Variants in HMGXB3 observed in about 807,000 individuals in gnomAD.
HMGXB3 encodes the protein HMG-box containing 3, also known as HMG domain-containing protein 3.
Under a neutral mutation model 121.5 loss-of-function variants are expected in HMGXB3, and 45 were observed. The observed-to-expected ratio is 0.37, with a 90% CI of 0.29 to 0.47. The LOEUF (loss-of-function observed/expected upper bound fraction) is 0.47, where lower values mean the gene tolerates loss of function less well. Among genes scored for constraint, HMGXB3 ranks in the 20% least tolerant of loss-of-function variants. HMGXB3 has a pLI of 0.99. For synonymous variants in HMGXB3, 590 were observed against 624.1 expected, an observed-to-expected ratio of 0.95 and a Z score of 0.81; for missense variants, 1,376 against 1,602.2, an observed-to-expected ratio of 0.86 and a Z score of 2.41.
chr5:150,018,573 C>T lies in HMGXB3; in HGVS notation c.917C>T (p.Thr306Ile). The change falls in exon 6 of 20, where the codon ACA becomes ATA. Residue 306 changes from threonine (T) to isoleucine (I), a missense_variant. Thr to Ile is a moderately conservative substitution (Grantham distance 89). This residue lies in a region of HMGXB3 where 1,116 missense variants were observed against 1,369.0 expected (regional missense o/e 0.82). Transcript: ENST00000502717. ...TGTGCTCTTTATTTACAGACCACTA[C>T]ATATACCCGCCGGGGCCATGGGACA... ...ENPTSIKLTTTYTRRGHGTCT... is the reference protein window; with the variant it reads ...ENPTSIKLTTIYTRRGHGTCT... 3 of 1,548,292 alleles carry T rather than the reference C, an allele frequency of 1.9e-6. No homozygotes were observed. Among genetic ancestry groups the T allele is most frequent in the Non-Finnish European group, 2.6e-6 (3 of 1,145,510 alleles).
Position 150,024,368 on chromosome 5 carries a change from A to T in HMGXB3, c.1148A>T (p.Lys383Met). Reference protein sequence around the residue: ...QPVTTEQNSSKENASKLTLEN... With the variant: ...QPVTTEQNSSMENASKLTLEN... ...GTCACCACTGAGCAAAATTCCTCTA[A>T]GGAAAATGCCTCCAAACTGACTCTG... The change falls in exon 7 of 20, where the codon AAG (lysine) becomes ATG (methionine). Residue 383 changes from lysine to methionine, a missense_variant. By Grantham distance (95) the Lys-to-Met change is moderately conservative. Transcript: ENST00000502717. 6.4e-7 allele frequency: 1 copy of T among 1,551,754 alleles called. No homozygotes were observed. The highest frequency in any genetic ancestry group is 8.7e-7 in the Non-Finnish European group (1 of 1,147,016).
At position 150,021,991 on chromosome 5, in the gene HMGXB3, CG is replaced by C. The variant is rs1451149016; in HGVS notation, c.1042-2268del. 8 of 384,696 alleles carry C rather than the reference CG, an allele frequency of 2.1e-5. No homozygotes were observed. The East Asian group carries it at 5.5e-4, about 26-fold the overall frequency. 23.8% of individuals were successfully genotyped at this position (384,696 alleles called of 1,614,324 possible). On this transcript the variant is annotated intron_variant, in intron 6 of 19. Coordinates refer to ENST00000502717, the MANE Select transcript of HMGXB3 (RefSeq NM_014983.3). The stretch of plus-strand genomic sequence containing the variant: ...AACAGCGGTGAGTCAGGAGCAGGAG[CG>C]GGCAGGAGCGGGCGGACCGCAGCTC...
chr5:150,051,865 C>G lies in HMGXB3; in HGVS notation c.3552C>G (p.Pro1184=), dbSNP rs777294118. 11 of 1,551,172 alleles carry G rather than the reference C, an allele frequency of 7.1e-6. No individual in the cohort carries two copies. The highest frequency in any genetic ancestry group is 8.7e-6 in the Non-Finnish European group (10 of 1,147,086). The stretch of plus-strand genomic sequence containing the variant: ...GCCTACAGCCCAATCCTGGTGACCC[C>G]AGTGCTGGGCACCACTCCTTGGCCC... ...HAGLQPNPGD[P]SAGHHSLALC... is the part of the protein sequence containing the mutation. The change falls in exon 20 of 20, where the codon CCC becomes CCG. Residue 1184 remains proline (P), a synonymous_variant. Coordinates refer to ENST00000502717, the MANE Select transcript of HMGXB3 (RefSeq NM_014983.3).
chr5:150,040,763 G>A lies in HMGXB3; in HGVS notation c.2429G>A (p.Gly810Glu), dbSNP rs1239356677. 6.4e-7 allele frequency: 1 copy of A among 1,551,720 alleles called. No homozygotes were observed. The highest frequency in any genetic ancestry group is 1.4e-5 in the African/African-American group (1 of 72,992). The change falls in exon 14 of 20, where the codon GGG (glycine) becomes GAG (glutamate). Residue 810 changes from glycine (G) to glutamate (E), a missense_variant. By Grantham distance (98) the Gly-to-Glu change is moderately conservative. Transcript: ENST00000502717. ...IDIYTGLFNV[G>E]NKLLVSLDLL... ...TAACCTGCAGGTCTCTTTAATGTGG[G>A]GAACAAGCTGCTGGTAAGCCTGGAC... is the stretch of plus-strand genomic sequence containing the variant.
chr5:150,002,985 A>G (rs1421701464), intron 1 of HMGXB3, among the ~76,000 whole-genome samples: 1 of 152,030 alleles, frequency 6.6e-6, no homozygotes, highest in Non-Finnish European at 1.5e-5. Flanking sequence ...TCTACAAACA[A>G]TTTAAAAATT....
Position 150,036,656 on chromosome 5 carries a change from A to C in HMGXB3, c.2004A>C (p.Pro668=). Residue 668 remains proline (P), a synonymous_variant, in exon 12 of 20, where the codon CCA becomes CCC. Transcript: ENST00000502717. ...CCCAGGAGGTGAGCTCACCACTCCC[A>C]GATGTACTGAATGCCACAGAGCCCC... ...TKAIEVSSPL[P]DVLNATEPLS... 3.2e-6 allele frequency: 5 copies of C among 1,548,516 alleles called. No homozygotes were observed. Among genetic ancestry groups the C allele is most frequent in the Non-Finnish European group, 4.4e-6 (5 of 1,145,770 alleles).
rs1444158657 is a variant in HMGXB3 at position 150,012,274 on chromosome 5, C to T, written c.830C>T (p.Ser277Phe). The T allele has an allele frequency of 1.3e-6, 2 of 1,552,176 alleles. No individual in the cohort carries two copies. The highest frequency in any genetic ancestry group is 2.4e-5 in the South Asian group (2 of 84,058). Residue 277 changes from serine to phenylalanine, a missense_variant, in exon 5 of 20, where the codon TCC (serine) becomes TTC (phenylalanine). Ser to Phe is a radical substitution (Grantham distance 155, BLOSUM62 -2). Coordinates refer to ENST00000502717, the MANE Select transcript of HMGXB3 (RefSeq NM_014983.3). ...TVMRDSSESS[S>F]SAPATQFIML... ...CCATAGGATTCCAGTGAGAGTAGCT[C>T]CTCTGCACCAGCCACACAGTTCATC...
intron 4 of HMGXB3, 127 bp downstream of exon 4, chr5:150,010,735 A>C (rs1755811676): frequency 8.7e-6 from 8 of 919,966 alleles, no homozygotes; most frequent in African/African-American, 1.7e-5. Flanking sequence ...CTGATACTGC[A>C]GTTCTCTTGA....
Position 150,018,704 on chromosome 5 carries a change from T to A in HMGXB3, c.1041+7T>A. The A allele has an allele frequency of 6.5e-7, 1 of 1,547,474 alleles. No homozygotes were observed. Among genetic ancestry groups the A allele is most frequent in the Non-Finnish European group, 8.7e-7 (1 of 1,144,998 alleles). On this transcript the variant is annotated splice_region_variant and intron_variant, in intron 6 of 19. Transcript: ENST00000502717. The stretch of plus-strand genomic sequence containing the variant: ...AGGGAAGTGGATCCCAAAGGTAAGG[T>A]CCATTGGCTGTTGCTGCTTTGGAAG...
At chr5:150,036,240 A>G (rs950219155) in intron 11 of HMGXB3, among the ~76,000 whole-genome samples, 2 of 152,248 alleles carry the variant, frequency 1.3e-5, no homozygotes, top group African/African-American at 4.8e-5. Context: ...ACTATCCTGT[A>G]TCTGAAGTGC....
At position 150,010,096 on chromosome 5, in the gene HMGXB3, C is replaced by T; in HGVS notation, c.313-15C>T. On this transcript the variant is annotated splice_polypyrimidine_tract_variant and intron_variant, in intron 3 of 19. Transcript: ENST00000502717. The stretch of plus-strand genomic sequence containing the variant: ...TCTCTGCTTGTCTCCCCCTTCCTGG[C>T]TTCCTCATCCTCAGAACTCTAAGCT... 1 of 1,543,988 alleles carries T rather than the reference C, an allele frequency of 6.5e-7. No individual in the cohort carries two copies.
At position 150,036,678 on chromosome 5, in the gene HMGXB3, C is replaced by T. The variant is rs1440576610; in HGVS notation, c.2026C>T (p.Pro676Ser). The T allele has an allele frequency of 1.3e-6, 2 of 1,550,558 alleles. No homozygotes were observed. Among genetic ancestry groups the T allele is most frequent in the South Asian group, 2.4e-5 (2 of 83,996 alleles). Residue 676 changes from proline (P) to serine (S), a missense_variant, in exon 12 of 20, where the codon CCC (proline) becomes TCC (serine). Transcript: ENST00000502717. ...CCCAGATGTACTGAATGCCACAGAG[C>T]CCCTGAGCACAGCCCAGAGGGAGAT... ...PLPDVLNATEPLSTAQREIQR... is the reference protein window; with the variant it reads ...PLPDVLNATESLSTAQREIQR...
rs139471082 is a variant in HMGXB3, at chr5:150,019,393, C to A, written c.1041+696C>A. On this transcript the variant is annotated intron_variant, in intron 6 of 19. Transcript: ENST00000502717. The stretch of plus-strand genomic sequence containing the variant: ...AGTTCCTTAATGACCTTGGTATCTC[C>A]CACAGCCTTTGCCCATAGAAGACAC... 1.0e-3 allele frequency among the ~76,000 whole-genome samples: 154 copies of A among 152,210 alleles called. 1 individual carries two copies. The highest frequency in any genetic ancestry group is 3.5e-3 in the African/African-American group (145 of 41,526).
chr5:150,029,329 A>T (rs1204815549), intron 9 of HMGXB3, among the ~76,000 whole-genome samples: 4 of 130,374 alleles, frequency 3.1e-5, no homozygotes, highest in Non-Finnish European at 6.1e-5. Flanking sequence ...ATAGTTATCA[A>T]GTTTTTTTTT....
chr5:150,036,176 T>G (rs1318374624), intron 11 of HMGXB3, among the ~76,000 whole-genome samples: 1 of 152,224 alleles, frequency 6.6e-6, no homozygotes, highest in Non-Finnish European at 1.5e-5. Context: ...GAGCTAAGTG[T>G]TGAATCCATT....
intron 15 of HMGXB3, among the ~76,000 whole-genome samples, chr5:150,044,461 C>A (rs1267288127): frequency 2.0e-5 from 3 of 152,064 alleles, no homozygotes; most frequent in Non-Finnish European, 4.4e-5. Context: ...AGGAGAGGAG[C>A]CTTTATGGGG....
chr5:150,003,141 T>C (rs1755618920), intron 1 of HMGXB3, among the ~76,000 whole-genome samples: 1 of 152,212 alleles, frequency 6.6e-6, no homozygotes, highest in Non-Finnish European at 1.5e-5. Context: ...AGACCTTGTC[T>C]TAAAAATAAA....
chr5:150,018,060 G>A (rs1196210096), intron 5 of HMGXB3, among the ~76,000 whole-genome samples: 1 of 152,186 alleles, frequency 6.6e-6, no homozygotes, highest in Admixed American at 6.5e-5. Context: ...GTTGTCTGAA[G>A]AATGAAGATG....
rs141940308 is a variant in HMGXB3 at position 150,045,494 on chromosome 5, A to G, written c.2759A>G (p.Asn920Ser). ...ACCTGGCCTGAATTCCTGGGCTCTA[A>G]TGAGGTAAATGTGGAGGACTTTTGG... ...EFTWPEFLGS[N>S]EVNVEDFWAT... is the part of the protein sequence containing the mutation. Residue 920 changes from asparagine (N) to serine (S), a missense_variant, in exon 16 of 20, where the codon AAT becomes AGT. Transcript: ENST00000502717. 1.4e-4 allele frequency: 217 copies of G among 1,552,278 alleles called. 1 individual carries two copies. The African/African-American group carries it at 2.5e-3, about 18-fold the overall frequency.
Sources: allele counts gnomAD v4.1 joint callset (sites outside exome capture counted in the v4.1 genomes callset), GRCh38; gene constraint gnomAD v4.1.1; regional missense constraint gnomAD v4.1.1; transcripts MANE v1.5; gene names NCBI Gene and HGNC (gene_info 2026-07-23, HGNC 2026-07-21).